Variants in PCNX1 observed in about 807,000 individuals in gnomAD.
PCNX1 encodes pecanex-like protein 1.
A neutral mutation model predicts 242.2 loss-of-function variants in PCNX1; 78 were observed. That is an observed-to-expected ratio of 0.32 (90% CI 0.27 to 0.39). PCNX1 has a LOEUF of 0.39. PCNX1 is among the 10% of genes least tolerant of loss of function. PCNX1 has a pLI of 1.00. For missense variants in PCNX1, 2,581 were observed against 2,856.5 expected (o/e 0.90, Z 2.20); for synonymous variants, 1,024 against 1,032.9 (o/e 0.99, Z 0.17).
rs556135854 is a variant in PCNX1 at position 70,921,279 on chromosome 14, A to C, written c.153+13276A>C. Among the ~76,000 whole-genome samples, 22 of 152,262 alleles carry C rather than the reference A, an allele frequency of 1.4e-4. No homozygotes were observed. In the South Asian group the frequency reaches 4.4e-3, roughly 30 times the overall value. ...CAGACCCTCATGACCCTCATGACAA[A>C]ACTGAAATGAACTTGGATGGGGAAT... On this transcript the variant is annotated intron_variant, in intron 1 of 35. Coordinates refer to ENST00000304743, the MANE Select transcript of PCNX1 (RefSeq NM_014982.3).
chr14:70,921,948 A>G (rs1329763103), intron 1 of PCNX1, among the ~76,000 whole-genome samples: 1 of 152,136 alleles, frequency 6.6e-6, no homozygotes, highest in South Asian at 2.1e-4. Flanking sequence ...TTTTCAAAAT[A>G]TATGTCGGGA....
At chr14:70,983,016 CAA>C (rs892453996) in intron 6 of PCNX1, among the ~76,000 whole-genome samples, 1 of 152,160 alleles carries the variant, frequency 6.6e-6, no homozygotes, top group Non-Finnish European at 1.5e-5. Context: ...ATTATATAAA[CAA>C]AGACAGTGAT....
Position 70,934,311 on chromosome 14 carries a change from C to T in PCNX1, c.154-12604C>T, listed in dbSNP as rs111535226. On this transcript the variant is annotated intron_variant, in intron 1 of 35. Transcript: ENST00000304743. The stretch of plus-strand genomic sequence containing the variant: ...GAAGACTAAACTGTGGGGTAAATGG[C>T]TCGGTTTCCCAGCTTGTTTCTCAAC... 2.5e-3 allele frequency among the ~76,000 whole-genome samples: 385 copies of T among 152,230 alleles called. 1 individual carries two copies. The highest frequency in any genetic ancestry group is 8.6e-3 in the African/African-American group (355 of 41,518).
Position 71,114,164 on chromosome 14 carries a change from A to G in PCNX1, c.*4229A>G, listed in dbSNP as rs2062808913. On this transcript the variant is annotated 3_prime_UTR_variant, in exon 36 of 36. Coordinates refer to ENST00000304743, the MANE Select transcript of PCNX1 (RefSeq NM_014982.3). ...TTCATTGGTGTTGAGGAAGAAAAAA[A>G]TTAGATACTACCATGCATTGGGACA... 6.6e-6 allele frequency: 1 copy of G among 152,240 alleles called. No individual in the cohort carries two copies. The highest frequency in any genetic ancestry group is 2.4e-5 in the African/African-American group (1 of 41,462). 9.4% of individuals were successfully genotyped at this position (152,240 alleles called of 1,614,324 possible).
chr14:70,931,364 C>T (rs2056792622), intron 1 of PCNX1, among the ~76,000 whole-genome samples: 1 of 152,106 alleles, frequency 6.6e-6, no homozygotes, highest in South Asian at 2.1e-4. Flanking sequence ...AGTAATTTGC[C>T]CACAATGTAA....
chr14:71,109,042 T>C lies in PCNX1; in HGVS notation c.6740T>C (p.Val2247Ala). 2 of 1,606,740 alleles carry C rather than the reference T, an allele frequency of 1.2e-6. No homozygotes were observed. The highest frequency in any genetic ancestry group is 1.1e-5 in the South Asian group (1 of 90,214). ...HSRKAEVIYR[V>A]QIVDPSQILE... is the part of the protein sequence containing the mutation. ...AGAAAGGCAGAAGTGATTTACAGAGTCCAAGTAAGTAAGCCCAGAGGTGGT... is the reference window on the plus strand; with the variant it reads ...AGAAAGGCAGAAGTGATTTACAGAGCCCAAGTAAGTAAGCCCAGAGGTGGT... The change falls in exon 34 of 36, where the codon GTC becomes GCC. Residue 2247 changes from valine to alanine, a missense_variant. Coordinates refer to ENST00000304743, the MANE Select transcript of PCNX1 (RefSeq NM_014982.3).
chr14:70,922,013 T>TA (rs2056399021), intron 1 of PCNX1, among the ~76,000 whole-genome samples: 3 of 152,214 alleles, frequency 2.0e-5, no homozygotes, highest in Non-Finnish European at 2.9e-5. Context: ...GGAGGTCTGT[T>TA]ATTTGTGAAT....
intron 8 of PCNX1, among the ~76,000 whole-genome samples, chr14:71,007,595 T>G (rs2059703111): frequency 6.6e-6 from 1 of 152,178 alleles, no homozygotes. Context: ...AATCCATGAT[T>G]TAGTCATTTA....
At chr14:71,038,657 A>T (rs1166720452) in intron 19 of PCNX1, among the ~76,000 whole-genome samples, 9 of 150,952 alleles carry the variant, frequency 6.0e-5, no homozygotes, top group Non-Finnish European at 1.3e-4. Flanking sequence ...TGTGGAAGTC[A>T]GTGTGGCGAT....
chr14:71,102,835 C>G lies in PCNX1; in HGVS notation c.5821-560C>G, dbSNP rs557925875. Among the ~76,000 whole-genome samples, 60 of 152,118 alleles carry G rather than the reference C, an allele frequency of 3.9e-4. No homozygotes were observed. In the South Asian group the frequency reaches 0.012, roughly 32 times the overall value. Reference sequence around the variant, plus strand: ...AGCATCTCTTTTTAAAAAGTCAGCACCATATTGCTAATATAATATGATTCT... The same window carrying G: ...AGCATCTCTTTTTAAAAAGTCAGCAGCATATTGCTAATATAATATGATTCT... On this transcript the variant is annotated intron_variant, in intron 31 of 35. Coordinates refer to ENST00000304743, the MANE Select transcript of PCNX1 (RefSeq NM_014982.3).
At chr14:71,020,450 T>C (rs138735986) in intron 12 of PCNX1, among the ~76,000 whole-genome samples, 5,153 of 152,310 alleles carry the variant, frequency 0.034, 116 homozygotes, top group Non-Finnish European at 0.052. Flanking sequence ...ATCTGTTGTT[T>C]CCTGACTTTA....
chr14:70,998,983 TCTG>T (rs1256986284), intron 8 of PCNX1, among the ~76,000 whole-genome samples: 1 of 152,140 alleles, frequency 6.6e-6, no homozygotes, highest in Non-Finnish European at 1.5e-5. Flanking sequence ...TTAATTTTCT[TCTG>T]ATTGGTCTTT....
intron 9 of PCNX1, among the ~76,000 whole-genome samples, chr14:71,010,909 T>G (rs2140540145): frequency 6.6e-6 from 1 of 152,220 alleles, no homozygotes; most frequent in African/African-American, 2.4e-5. Context: ...TTGGTCTAGT[T>G]TCAGAATTCA....
chr14:70,927,461 T>C (rs551840384), intron 1 of PCNX1, among the ~76,000 whole-genome samples: 2 of 152,320 alleles, frequency 1.3e-5, no homozygotes, highest in Admixed American at 1.3e-4. Flanking sequence ...TTCAAGCAAA[T>C]TGAGCTCAGG....
In PCNX1 at chr14:70,935,964, T is replaced by A. The variant is rs75865457; in HGVS notation, c.154-10951T>A. Among the ~76,000 whole-genome samples the A allele has an allele frequency of 1.8e-3, 272 of 152,324 alleles. 7 individuals are homozygous for A. The East Asian group carries it at 0.039, about 22-fold the overall frequency. The stretch of plus-strand genomic sequence containing the variant: ...GGAAACCAGTGTCACACAATTTTTT[T>A]AAATTCTCTGAGATGTATATGTGTT... On this transcript the variant is annotated intron_variant, in intron 1 of 35. Coordinates refer to ENST00000304743, the MANE Select transcript of PCNX1 (RefSeq NM_014982.3).
At chr14:71,048,106 A>G (rs1017260769) in intron 22 of PCNX1, 122 bp downstream of exon 22, 16 of 599,388 alleles carry the variant, frequency 2.7e-5, no homozygotes, top group South Asian at 6.5e-5. Flanking sequence ...ACTCTCTTCA[A>G]CCAGTTATTT....
intron 1 of PCNX1, among the ~76,000 whole-genome samples, chr14:70,912,510 G>A (rs1290604954): frequency 6.6e-6 from 1 of 151,782 alleles, no homozygotes; most frequent in Non-Finnish European, 1.5e-5. Context: ...CATCCCAAAA[G>A]TATCATGCCC....
rs2058738531 is a variant in PCNX1, at chr14:70,978,232, C to T, written c.1895C>T (p.Ser632Phe). ...AGCTCTTCTAGCACCACTTCTCATTCCTGTCAGTCTCCTGAGGGCAGATAC... is the reference window on the plus strand; with the variant it reads ...AGCTCTTCTAGCACCACTTCTCATTTCTGTCAGTCTCCTGAGGGCAGATAC... ...SDSSSSTTSH[S>F]CQSPEGRYSA... Residue 632 changes from serine (S) to phenylalanine (F), a missense_variant, in exon 6 of 36, where the codon TCC becomes TTC. Ser to Phe is a radical substitution (Grantham distance 155, BLOSUM62 -2). Transcript: ENST00000304743. The T allele has an allele frequency of 6.2e-7, 1 of 1,614,064 alleles. No homozygotes were observed. Among genetic ancestry groups the T allele is most frequent in the South Asian group, 1.1e-5 (1 of 91,082 alleles).
chr14:70,958,571 T>C (rs182622011), intron 2 of PCNX1, among the ~76,000 whole-genome samples: 3 of 152,188 alleles, frequency 2.0e-5, no homozygotes, highest in Non-Finnish European at 2.9e-5. Context: ...CCAGTCTCTG[T>C]TCTTTTCTAT....
Sources: allele counts gnomAD v4.1 joint callset (sites outside exome capture counted in the v4.1 genomes callset), GRCh38; gene constraint gnomAD v4.1.1; transcripts MANE v1.5; gene names NCBI Gene and HGNC (gene_info 2026-07-23, HGNC 2026-07-21).